The following MAOB variants were observed in gnomAD, a reference collection of about 807,000 sequenced individuals.
The protein encoded by MAOB is monoamine oxidase B.
A neutral mutation model predicts 41.9 loss-of-function variants in MAOB; 15 were observed. That is an observed-to-expected ratio of 0.36 (90% CI 0.24 to 0.55). The LOEUF (loss-of-function observed/expected upper bound fraction) is 0.55, where lower values mean the gene tolerates loss of function less well. Among genes scored for constraint, MAOB ranks in the 20% least tolerant of loss-of-function variants. The probability of loss-of-function intolerance (pLI) is 0.86; values close to 1 mark genes in which losing one functional copy is unlikely to be tolerated. For synonymous variants in MAOB, 167 were observed against 144.2 expected (o/e 1.16, Z -1.13); for missense variants, 345 against 398.7 (o/e 0.87, Z 1.15).
rs60067048 is a variant in MAOB, at chrX:43,771,240, C to A, written c.1236-1822G>T. Among the ~76,000 whole-genome samples the A allele has an allele frequency of 8.4e-3, 939 of 112,031 alleles. 12 individuals are homozygous for A. Among genetic ancestry groups the A allele is most frequent in the African/African-American group, 0.029 (897 of 30,872 alleles). Reference sequence around the variant, plus strand: ...ACCATACTTCAAGTACCCATACAACCATTCTGTCTTTCACTTTCAATACCG... The same window carrying A: ...ACCATACTTCAAGTACCCATACAACAATTCTGTCTTTCACTTTCAATACCG... On this transcript the variant is annotated intron_variant, in intron 12 of 14. Transcript: ENST00000378069.
rs1173629513 is a variant in MAOB, at chrX:43,775,448, T to A, written c.1138-176A>T. Among the ~76,000 whole-genome samples the A allele has an allele frequency of 2.7e-5, 3 of 112,067 alleles. No individual in the cohort carries two copies. The East Asian group carries it at 8.4e-4, about 31-fold the overall frequency. ...TTGGGCAGGTAAATGTCCTTGGTAA[T>A]AAGCTTCTAAGAAATTCAGATCTTA... On this transcript the variant is annotated intron_variant, in intron 11 of 14. Transcript: ENST00000378069.
intron 12 of MAOB, among the ~76,000 whole-genome samples, chrX:43,771,453 T>G (rs1349461625): frequency 4.5e-5 from 5 of 111,696 alleles, no homozygotes; most frequent in Non-Finnish European, 9.4e-5. Flanking sequence ...CAATTTATGG[T>G]GGGTTTATTG....
chrX:43,793,703 G>A (rs1045686439), intron 7 of MAOB, 125 bp from the exon 8 acceptor site: 15 of 554,141 alleles, frequency 2.7e-5, no homozygotes, highest in South Asian at 1.1e-4. Context: ...GGATTTTGTC[G>A]AAACCTAAAG....
chrX:43,860,258 T>G (rs906684407), intron 1 of MAOB, among the ~76,000 whole-genome samples: 12 of 112,111 alleles, frequency 1.1e-4, no homozygotes, highest in Non-Finnish European at 2.1e-4. Context: ...GCCTTGAAAC[T>G]TCAGACTTGA....
intron 3 of MAOB, among the ~76,000 whole-genome samples, chrX:43,834,720 T>C (rs1464835422): frequency 1.8e-5 from 2 of 112,031 alleles, no homozygotes; most frequent in Non-Finnish European, 3.8e-5. Context: ...AAGCAGACAA[T>C]ATATTTGAGA....
intron 1 of MAOB, among the ~76,000 whole-genome samples, chrX:43,853,285 AAAAAG>A (rs1365710764): frequency 1.9e-5 from 2 of 107,894 alleles, no homozygotes; most frequent in Non-Finnish European, 3.8e-5. Context: ...AAAAAAAAAA[AAAAAG>A]AAAAGAAAAC....
At chrX:43,868,499 G>A (rs1367998215) in intron 1 of MAOB, among the ~76,000 whole-genome samples, 1 of 111,553 alleles carries the variant, frequency 9.0e-6, no homozygotes, top group Non-Finnish European at 1.9e-5. Context: ...AGCAGGACAC[G>A]GGTGGTATAT....
intron 1 of MAOB, among the ~76,000 whole-genome samples, chrX:43,855,141 T>C: frequency 1.8e-5 from 2 of 111,733 alleles, no homozygotes; most frequent in South Asian, 7.6e-4. Context: ...GAATAGGTTA[T>C]TCAGAAACAT....
intron 2 of MAOB, among the ~76,000 whole-genome samples, chrX:43,841,864 G>C (rs2035141318): frequency 9.0e-6 from 1 of 111,608 alleles, no homozygotes; most frequent in South Asian, 3.8e-4. Flanking sequence ...ACATGCAGAA[G>C]AATAAAAGTA....
At chrX:43,788,702 G>C (rs1041307632) in intron 8 of MAOB, among the ~76,000 whole-genome samples, 1 of 111,369 alleles carries the variant, frequency 9.0e-6, no homozygotes, top group Admixed American at 9.6e-5. Flanking sequence ...GATGTCCATG[G>C]CATATTGTTA....
chrX:43,801,397 C>T (rs1038834657), intron 5 of MAOB, among the ~76,000 whole-genome samples: 1 of 111,329 alleles, frequency 9.0e-6, no homozygotes. Context: ...AAGACATTAA[C>T]CCCCGAGCCA....
In MAOB at chrX:43,794,062, AG is replaced by A. The variant is rs1036419021; in HGVS notation, c.769-485del. ...CAGCTAATTTTTGTATTTTTAGTAA[AG>A]ACAGGGTTTCACCATGTTGGCCAGG... On this transcript the variant is annotated intron_variant, in intron 7 of 14. Coordinates refer to ENST00000378069, the MANE Select transcript of MAOB (RefSeq NM_000898.5). Among the ~76,000 whole-genome samples the A allele has an allele frequency of 6.3e-5, 7 of 111,614 alleles. No homozygotes were observed. In the Admixed American group the frequency reaches 6.6e-4, roughly 11 times the overall value.
intron 2 of MAOB, among the ~76,000 whole-genome samples, chrX:43,843,175 T>A (rs760532648): frequency 9.0e-6 from 1 of 111,180 alleles, no homozygotes; most frequent in East Asian, 2.8e-4. Flanking sequence ...TCCATAAATG[T>A]AATACAATTA....
chrX:43,797,707 T>C (rs1400002872), intron 5 of MAOB, among the ~76,000 whole-genome samples: 1 of 112,077 alleles, frequency 8.9e-6, no homozygotes, highest in Admixed American at 9.5e-5. Flanking sequence ...ACCACAAATT[T>C]AGAATCCATC....
chrX:43,783,054 C>T (rs968490447), intron 8 of MAOB, among the ~76,000 whole-genome samples: 3 of 111,706 alleles, frequency 2.7e-5, no homozygotes, highest in African/African-American at 6.5e-5. Context: ...GGGCAAAAGC[C>T]GGAAGCATTC....
intron 3 of MAOB, among the ~76,000 whole-genome samples, chrX:43,806,157 C>G (rs1030851903): frequency 9.0e-6 from 1 of 111,635 alleles, no homozygotes; most frequent in Non-Finnish European, 1.9e-5. Flanking sequence ...ACCAGGATAT[C>G]GACACTGGTA....
At chrX:43,769,094 GCT>G (rs2034147858) in intron 13 of MAOB, among the ~76,000 whole-genome samples, 1 of 111,675 alleles carries the variant, frequency 9.0e-6, no homozygotes, top group African/African-American at 3.3e-5. Flanking sequence ...TGCCCCATGG[GCT>G]CTTTTTACTT....
At chrX:43,803,448 T>C in intron 3 of MAOB, 44 bp from the exon 4 acceptor site, 4 of 1,144,917 alleles carry the variant, frequency 3.5e-6, no homozygotes, top group Non-Finnish European at 3.4e-6. Flanking sequence ...TTTACTACAA[T>C]GTAAAAGTAG....
chrX:43,795,903 G>A lies in MAOB; in HGVS notation c.619-15C>T, dbSNP rs112509981. The A allele has an allele frequency of 5.5e-3, 6,619 of 1,198,668 alleles. 258 individuals are homozygous for A. In the African/African-American group the frequency reaches 0.1, roughly 19 times the overall value. On this transcript the variant is annotated splice_polypyrimidine_tract_variant and intron_variant, in intron 6 of 14. Transcript: ENST00000378069. ...AATTTCCTCTCCTGGAAAGAGAAAA[G>A]GAGGTGAAAGAGAAACGCAGGAATG... is the stretch of plus-strand genomic sequence containing the variant.
Sources: gnomAD v4.1 joint callset for allele counts (sites outside exome capture counted in the v4.1 genomes callset) on GRCh38, gnomAD v4.1.1 for gene constraint, MANE v1.5 for transcripts, NCBI Gene and HGNC (gene_info 2026-07-23, HGNC 2026-07-21) for gene names.